Variants in ARHGAP15 observed in about 807,000 individuals in gnomAD.
The protein encoded by ARHGAP15 is rho GTPase-activating protein 15.
Under a neutral mutation model 63.7 loss-of-function variants are expected in ARHGAP15, and 51 were observed. The observed-to-expected ratio is 0.80, with a 90% CI of 0.64 to 1.01. The LOEUF is 1.01. Among genes scored for constraint, ARHGAP15 ranks in the 50% least tolerant of loss-of-function variants. ARHGAP15 has a pLI of 0.00. For missense variants in ARHGAP15, 560 were observed against 564.6 expected, an observed-to-expected ratio of 0.99 and a Z score of 0.08; for synonymous variants, 191 against 193.8, an observed-to-expected ratio of 0.99 and a Z score of 0.12.
intron 11 of ARHGAP15, chr2:143,606,998 G>A (rs1486447327): frequency 6.6e-6 from 1 of 152,198 alleles, no homozygotes; most frequent in Non-Finnish European, 1.5e-5. Context: ...AACTATATAT[G>A]CAATTCGTAT....
chr2:143,231,752 G>A (rs1056580936), intron 5 of ARHGAP15, among the ~76,000 whole-genome samples: 6 of 152,198 alleles, frequency 3.9e-5, no homozygotes, highest in African/African-American at 1.4e-4. Flanking sequence ...CCTGGTTTTG[G>A]AGGCTGGGAA....
chr2:143,156,202 T>C (rs943738483), intron 2 of ARHGAP15, among the ~76,000 whole-genome samples: 1 of 151,844 alleles, frequency 6.6e-6, no homozygotes, highest in African/African-American at 2.4e-5. Flanking sequence ...TAATGTGTCA[T>C]TAGGAAGATT....
intron 1 of ARHGAP15, among the ~76,000 whole-genome samples, chr2:143,149,265 G>A (rs1689719637): frequency 6.6e-6 from 1 of 151,938 alleles, no homozygotes; most frequent in South Asian, 2.1e-4. Flanking sequence ...GTGGACCTTC[G>A]CTCCTCGTGG....
rs778455334 is a variant in ARHGAP15 at position 143,759,179 on chromosome 2, T to C, written c.1245-8810T>C. 9.9e-5 allele frequency among the ~76,000 whole-genome samples: 15 copies of C among 152,016 alleles called. 1 individual carries two copies. The highest frequency in any genetic ancestry group is 1.8e-4 in the Non-Finnish European group (12 of 68,002). On this transcript the variant is annotated intron_variant, in intron 13 of 13. Coordinates refer to ENST00000295095, the MANE Select transcript of ARHGAP15 (RefSeq NM_018460.4). ...TCTCCAGATATTGCCAAATCTCTCA[T>C]AGGTGGAGGGGTGGGGCTTGGGACA...
chr2:143,463,919 G>T (rs1289202842), intron 8 of ARHGAP15, among the ~76,000 whole-genome samples: 4 of 152,164 alleles, frequency 2.6e-5, no homozygotes, highest in African/African-American at 4.8e-5. Context: ...CAGCTGTCAA[G>T]TGGCTGGAAC....
chr2:143,545,897 T>C (rs1485624529), intron 10 of ARHGAP15, among the ~76,000 whole-genome samples: 2 of 152,124 alleles, frequency 1.3e-5, no homozygotes, highest in African/African-American at 2.4e-5. Context: ...AAAAGGACAA[T>C]GAGGCACTGA....
chr2:143,327,923 CA>C (rs1684332950), intron 6 of ARHGAP15, among the ~76,000 whole-genome samples: 1 of 129,686 alleles, frequency 7.7e-6, no homozygotes, highest in Non-Finnish European at 1.7e-5. Context: ...AAAAAAAATC[CA>C]AAAAGTGAGC....
At chr2:143,556,549 T>A in intron 11 of ARHGAP15, 64 bp downstream of exon 11, 1 of 1,145,904 alleles carries the variant, frequency 8.7e-7, no homozygotes, top group Non-Finnish European at 1.3e-6. Flanking sequence ...TTTCATACAC[T>A]GTGCTGTATG....
chr2:143,649,702 G>A (rs1434163641), intron 12 of ARHGAP15, among the ~76,000 whole-genome samples: 8 of 151,910 alleles, frequency 5.3e-5, no homozygotes. Flanking sequence ...CATTGAATAA[G>A]GAAGGTATCG....
rs540763059 is a variant in ARHGAP15 at position 143,406,323 on chromosome 2, A to G, written c.475-29278A>G. On this transcript the variant is annotated intron_variant, in intron 6 of 13. Coordinates refer to ENST00000295095, the MANE Select transcript of ARHGAP15 (RefSeq NM_018460.4). ...TTAGAAGAGTGTTTGTTTATATGCTATGACTTCCAAGAGAATGGATTCTTT... is the reference window on the plus strand; with the variant it reads ...TTAGAAGAGTGTTTGTTTATATGCTGTGACTTCCAAGAGAATGGATTCTTT... Among the ~76,000 whole-genome samples, 5 of 152,058 alleles carry G rather than the reference A, an allele frequency of 3.3e-5. No homozygotes were observed. In the East Asian group the frequency reaches 7.7e-4, roughly 23 times the overall value.
chr2:143,713,455 C>T (rs1335789676), intron 13 of ARHGAP15, among the ~76,000 whole-genome samples: 1 of 152,160 alleles, frequency 6.6e-6, no homozygotes, highest in African/African-American at 2.4e-5. Flanking sequence ...CACAGCCAAA[C>T]ATATCATTCC....
intron 9 of ARHGAP15, among the ~76,000 whole-genome samples, chr2:143,488,934 T>C (rs186910157): frequency 6.6e-6 from 1 of 152,338 alleles, no homozygotes; most frequent in Non-Finnish European, 1.5e-5. Context: ...TTCTGAGTTG[T>C]AGACAGTAAT....
chr2:143,410,029 A>C (rs1407475133), intron 6 of ARHGAP15, among the ~76,000 whole-genome samples: 1 of 152,168 alleles, frequency 6.6e-6, no homozygotes, highest in Non-Finnish European at 1.5e-5. Context: ...TGTAAAAAAA[A>C]TTAAATAAAA....
At chr2:143,513,004 C>G (rs1029558864) in intron 9 of ARHGAP15, among the ~76,000 whole-genome samples, 1 of 152,218 alleles carries the variant, frequency 6.6e-6, no homozygotes, top group Non-Finnish European at 1.5e-5. Context: ...TTTGTTCAAG[C>G]TTGGGGCACA....
chr2:143,637,753 C>T (rs80115446), intron 12 of ARHGAP15, among the ~76,000 whole-genome samples: 57,250 of 150,568 alleles, frequency 0.38, 12,465 homozygotes, highest in Non-Finnish European at 0.51. Flanking sequence ...AAAACTCATC[C>T]GACAAAGGGC....
At chr2:143,528,069 T>A (rs767478029) in intron 10 of ARHGAP15, among the ~76,000 whole-genome samples, 3 of 152,114 alleles carry the variant, frequency 2.0e-5, no homozygotes, top group Non-Finnish European at 4.4e-5. Flanking sequence ...TTTTCATCGA[T>A]TTTTGGATAC....
chr2:143,165,212 A>G (rs113997093), intron 2 of ARHGAP15, among the ~76,000 whole-genome samples: 264 of 152,220 alleles, frequency 1.7e-3, no homozygotes, highest in African/African-American at 6.0e-3. Flanking sequence ...TACCATAAAC[A>G]TAAATGACCA....
intron 9 of ARHGAP15, among the ~76,000 whole-genome samples, chr2:143,509,819 G>A (rs1032863611): frequency 4.0e-5 from 6 of 151,868 alleles, no homozygotes; most frequent in African/African-American, 1.2e-4. Context: ...TCGGGAGCTC[G>A]AGACCATCCT....
intron 6 of ARHGAP15, among the ~76,000 whole-genome samples, chr2:143,427,809 A>G (rs1042086144): frequency 7.2e-5 from 11 of 152,264 alleles, no homozygotes; most frequent in Middle Eastern, 3.4e-3. Flanking sequence ...TCAGTATTAC[A>G]TTACTTATAT....
Sources: gnomAD v4.1 joint callset for allele counts (sites outside exome capture counted in the v4.1 genomes callset) on GRCh38, gnomAD v4.1.1 for gene constraint, MANE v1.5 for transcripts, NCBI Gene and HGNC (gene_info 2026-07-23, HGNC 2026-07-21) for gene names.